The following ANO10 variants were observed in gnomAD, a reference collection of about 807,000 sequenced individuals.
ANO10 encodes anoctamin-10.
ANO10 carries 77 observed loss-of-function variants against 74.7 expected under a neutral mutation model. The observed-to-expected ratio is 1.03, with a 90% CI of 0.86 to 1.25. The LOEUF (loss-of-function observed/expected upper bound fraction) is 1.25, where lower values mean the gene tolerates loss of function less well. ANO10 is among the 50% of genes most tolerant of loss of function. The pLI is 0.00. For missense variants in ANO10, 721 were observed against 778.1 expected (o/e 0.93, Z 0.87); for synonymous variants, 279 against 284.9 (o/e 0.98, Z 0.21).
At chr3:43,506,625 A>C (rs1047625086) in intron 11 of ANO10, among the ~76,000 whole-genome samples, 1 of 152,132 alleles carries the variant, frequency 6.6e-6, no homozygotes, top group Admixed American at 6.5e-5. Flanking sequence ...CCTGTGATCC[A>C]GCCACGAGTT....
At chr3:43,552,895 G>T in intron 10 of ANO10, among the ~76,000 whole-genome samples, 2 of 152,060 alleles carry the variant, frequency 1.3e-5, no homozygotes, top group East Asian at 3.9e-4. Flanking sequence ...CCAGGTTCAA[G>T]CAATTCTCCT....
intron 12 of ANO10, among the ~76,000 whole-genome samples, chr3:43,422,278 G>T (rs376092925): frequency 6.6e-6 from 1 of 151,842 alleles, no homozygotes; most frequent in Non-Finnish European, 1.5e-5. Context: ...CACCATGCCC[G>T]GCTAATTTTT....
At chr3:43,614,801 A>ATATATATATATATATATATG (rs61457264) in intron 1 of ANO10, among the ~76,000 whole-genome samples, 2,467 of 99,080 alleles carry the variant, frequency 0.025, 422 homozygotes, top group East Asian at 0.044. Context: ...ATATATATAT[A>ATATATATATATATATATATG]TAGGTTCATT....
At chr3:43,671,281 A>T (rs2084055983) in intron 1 of ANO10, among the ~76,000 whole-genome samples, 1 of 152,212 alleles carries the variant, frequency 6.6e-6, no homozygotes, top group Non-Finnish European at 1.5e-5. Context: ...ATTAGAGGCC[A>T]CATCTCTATT....
At chr3:43,522,406 T>C (rs2077997198) in intron 11 of ANO10, among the ~76,000 whole-genome samples, 1 of 152,190 alleles carries the variant, frequency 6.6e-6, no homozygotes, top group East Asian at 1.9e-4. Context: ...TATTCTGGTG[T>C]TCTTTTCTAG....
intron 11 of ANO10, among the ~76,000 whole-genome samples, chr3:43,512,181 C>T (rs556363184): frequency 1.3e-5 from 2 of 152,286 alleles, no homozygotes; most frequent in Admixed American, 6.5e-5. Context: ...TGTCACCCAA[C>T]TAGCAAGTGT....
intron 1 of ANO10, among the ~76,000 whole-genome samples, chr3:43,618,261 G>A (rs985707661): frequency 6.6e-6 from 1 of 152,150 alleles, no homozygotes; most frequent in Non-Finnish European, 1.5e-5. Context: ...CAGGAGAGGT[G>A]AGACACAGGA....
At chr3:43,691,120 A>G (rs1054851422) in intron 1 of ANO10, 12 of 1,332,650 alleles carry the variant, frequency 9.0e-6, no homozygotes, top group Middle Eastern at 2.2e-4. Context: ...AGCGGGCAGC[A>G]CCAAGGAGTC....
At chr3:43,554,129 T>C (rs2149322750) in intron 10 of ANO10, among the ~76,000 whole-genome samples, 1 of 152,222 alleles carries the variant, frequency 6.6e-6, no homozygotes, top group African/African-American at 2.4e-5. Flanking sequence ...ATCTGCTGAC[T>C]GTCTTTTCTC....
intron 7 of ANO10, among the ~76,000 whole-genome samples, chr3:43,568,005 G>A (rs1187715433): frequency 9.2e-5 from 14 of 151,388 alleles, no homozygotes; most frequent in African/African-American, 3.4e-4. Flanking sequence ...CAAGCCAATG[G>A]AAAACAAAAA....
At chr3:43,633,458 G>T (rs7617071) in intron 1 of ANO10, among the ~76,000 whole-genome samples, 7,279 of 152,218 alleles carry the variant, frequency 0.048, 197 homozygotes, top group Non-Finnish European at 0.059. Flanking sequence ...TGTCTTAGCA[G>T]GGAAGAGGCT....
Position 43,537,611 on chromosome 3 carries a change from C to CACA in ANO10, c.1797+12108_1797+12109insTGT, listed in dbSNP as rs1015830021. 1.6e-4 allele frequency among the ~76,000 whole-genome samples: 23 copies of CACA among 140,058 alleles called. No homozygotes were observed. The East Asian group carries it at 3.4e-3, about 21-fold the overall frequency. 91.9% of individuals were successfully genotyped at this position (140,058 alleles called of 152,430 possible). On this transcript the variant is annotated intron_variant, in intron 11 of 12. Transcript: ENST00000292246. ...GCTCAGAGCAGGCATACTTTATAAA[C>CACA]CACACACACACACACACACACACAC...
intron 7 of ANO10, among the ~76,000 whole-genome samples, chr3:43,570,574 G>T (rs1329211864): frequency 6.6e-6 from 1 of 152,130 alleles, no homozygotes; most frequent in Non-Finnish European, 1.5e-5. Context: ...ACAAAAACAA[G>T]CAATGGGGAA....
intron 9 of ANO10, among the ~76,000 whole-genome samples, chr3:43,560,506 AC>A (rs1444348460): frequency 6.6e-6 from 1 of 152,180 alleles, no homozygotes; most frequent in Non-Finnish European, 1.5e-5. Flanking sequence ...TCAGTAAATG[AC>A]CCACTGAAGG....
intron 12 of ANO10, among the ~76,000 whole-genome samples, chr3:43,377,617 C>G (rs576183791): frequency 1.2e-4 from 18 of 152,322 alleles, no homozygotes; most frequent in Admixed American, 9.8e-4. Context: ...AGATGACCAT[C>G]TAGCCAGCCC....
intron 2 of ANO10, among the ~76,000 whole-genome samples, chr3:43,605,483 CTGCTTTCAG>C (rs2082517675): frequency 6.6e-6 from 1 of 152,200 alleles, no homozygotes; most frequent in African/African-American, 2.4e-5. Flanking sequence ...ACCACTCATG[CTGCTTTCAG>C]TTTAATGGGA....
At chr3:43,392,307 T>A (rs1466830581) in intron 12 of ANO10, among the ~76,000 whole-genome samples, 3 of 152,374 alleles carry the variant, frequency 2.0e-5, no homozygotes, top group Non-Finnish European at 4.4e-5. Context: ...TCTTGATCAT[T>A]CTTTCAGTGT....
chr3:43,609,497 A>T (rs770983044), intron 1 of ANO10, among the ~76,000 whole-genome samples: 2 of 152,256 alleles, frequency 1.3e-5, no homozygotes, highest in African/African-American at 4.8e-5. Context: ...CAATGAACTG[A>T]TAACAAAGGA....
chr3:43,576,702 TAA>T lies in ANO10; in HGVS notation c.1150_1151del (p.Leu384AsnfsTer91), dbSNP rs794726680. 6.2e-7 allele frequency: 1 copy of T among 1,614,092 alleles called. No homozygotes were observed. Among genetic ancestry groups the T allele is most frequent in the Non-Finnish European group, 8.5e-7 (1 of 1,180,016 alleles). ...NRLYRYAAEF[L>X]TSWENHRLES... ...AGCCTCAAGTCTTACCCCATGAAGTTAAAAACTCGGCAGCATATCGATAGAGA... is the reference window on the plus strand; with the variant it reads ...AGCCTCAAGTCTTACCCCATGAAGTTAAACTCGGCAGCATATCGATAGAGA... On this transcript the variant is annotated frameshift_variant, in exon 6 of 13. Transcript: ENST00000292246. LOFTEE classifies it high-confidence loss of function.
Sources: allele counts gnomAD v4.1 joint callset (sites outside exome capture counted in the v4.1 genomes callset), GRCh38; gene constraint gnomAD v4.1.1; transcripts MANE v1.5; gene names NCBI Gene and HGNC (gene_info 2026-07-23, HGNC 2026-07-21).